MAN1B1: variants seen among roughly 807,000 people sequenced by gnomAD.
MAN1B1 encodes mannosidase alpha class 1B member 1.
In MAN1B1, 66 loss-of-function variants were observed where a neutral mutation model predicts 75.5. That is an observed-to-expected ratio of 0.87 (90% CI 0.72 to 1.07). The LOEUF is 1.07. Among genes scored for constraint, MAN1B1 ranks in the 50% least tolerant of loss-of-function variants. The pLI is 0.00. For missense variants in MAN1B1, 973 were observed against 912.5 expected, an observed-to-expected ratio of 1.07 and a Z score of -0.85; for synonymous variants, 453 against 382.8, an observed-to-expected ratio of 1.18 and a Z score of -2.14.
chr9:137,098,652 C>G (rs1588596686), intron 5 of MAN1B1, among the ~76,000 whole-genome samples: 1 of 152,182 alleles, frequency 6.6e-6, no homozygotes, highest in African/African-American at 2.4e-5. Context: ...AAGGAGGCCT[C>G]AGAACCTTTC....
chr9:137,087,796 A>C (rs1418611058), intron 1 of MAN1B1, among the ~76,000 whole-genome samples: 1 of 152,228 alleles, frequency 6.6e-6, no homozygotes, highest in Non-Finnish European at 1.5e-5. Flanking sequence ...CGACATCTGT[A>C]GTATTGTCCC....
intron 6 of MAN1B1, 48 bp from the exon 7 acceptor site, chr9:137,100,957 T>A (rs754929318): frequency 6.2e-7 from 1 of 1,610,154 alleles, no homozygotes. Flanking sequence ...TAGGAAAACG[T>A]TGGAGCCATC....
At position 137,094,631 on chromosome 9, in the gene MAN1B1, C is replaced by T. The variant is rs1049588430; in HGVS notation, c.466-1606C>T. Among the ~76,000 whole-genome samples, 4 of 151,658 alleles carry T rather than the reference C, an allele frequency of 2.6e-5. No homozygotes were observed. In the East Asian group the frequency reaches 5.9e-4, roughly 22 times the overall value. On this transcript the variant is annotated intron_variant, in intron 3 of 12. Coordinates refer to ENST00000371589, the MANE Select transcript of MAN1B1 (RefSeq NM_016219.5). ...TAGTGGCTCATGCCTGTAATCCCAG[C>T]GCTTTGGGAGGCTGAGACGGGTGGA...
rs1831197448 is a variant in MAN1B1, at chr9:137,108,472, C to T, written c.1981C>T (p.Leu661=). The T allele has an allele frequency of 1.9e-6, 3 of 1,613,882 alleles. No individual in the cohort carries two copies. The highest frequency in any genetic ancestry group is 1.3e-5 in the African/African-American group (1 of 74,928). ...TAGGGACAAGATGGAGAGCTTCTTC[C>T]TGGGGGAGACGCTCAAGTATCTGTT... ...EPRDKMESFF[L]GETLKYLFLL... The change falls in exon 13 of 13, where the codon CTG becomes TTG. Residue 661 remains leucine, a synonymous_variant. Transcript: ENST00000371589.
At chr9:137,088,543 G>C (rs866581865) in intron 2 of MAN1B1, 3 of 975,394 alleles carry the variant, frequency 3.1e-6, no homozygotes, top group Admixed American at 1.9e-5. Flanking sequence ...AGGATGTGGA[G>C]AATCTCTTCT....
chr9:137,094,018 ATT>A (rs1419422325), intron 3 of MAN1B1, among the ~76,000 whole-genome samples: 3 of 140,932 alleles, frequency 2.1e-5, no homozygotes, highest in Non-Finnish European at 1.5e-5. Context: ...ACCCATGGTG[ATT>A]TTTTTTTTTT....
chr9:137,106,477 G>A (rs1443961273), intron 9 of MAN1B1, 162 bp downstream of exon 9: 1 of 949,640 alleles, frequency 1.1e-6, no homozygotes, highest in African/African-American at 1.6e-5. Flanking sequence ...GCATTTATGT[G>A]GAGGGCGTAT....
intron 12 of MAN1B1, chr9:137,107,877 G>T: frequency 1.5e-6 from 1 of 677,206 alleles, no homozygotes; most frequent in Non-Finnish European, 2.7e-6. Flanking sequence ...CAGAGTACTT[G>T]GAGGGGCTGG....
chr9:137,096,192 C>G, intron 3 of MAN1B1, 45 bp from the exon 4 acceptor site: 1 of 1,611,474 alleles, frequency 6.2e-7, no homozygotes, highest in Non-Finnish European at 8.5e-7. Flanking sequence ...AGAAGGGCAG[C>G]TCGCAGACAC....
intron 10 of MAN1B1, 85 bp downstream of exon 10, chr9:137,106,894 A>ACG (rs1831130452): frequency 5.7e-6 from 9 of 1,568,824 alleles, no homozygotes; most frequent in Non-Finnish European, 6.9e-6. Flanking sequence ...AAAAAGAACG[A>ACG]AATCCTGGCC....
chr9:137,107,091 C>T (rs1831137876), intron 10 of MAN1B1, 159 bp from the exon 11 acceptor site: 1 of 829,062 alleles, frequency 1.2e-6, no homozygotes, highest in African/African-American at 1.7e-5. Context: ...GGGCCTGGTC[C>T]AGGCAGCTCC....
chr9:137,106,015 G>T, intron 8 of MAN1B1, 110 bp from the exon 9 acceptor site: 1 of 848,198 alleles, frequency 1.2e-6, no homozygotes. Context: ...TCTCTGCTGG[G>T]AGTCAGTCGG....
At chr9:137,095,416 G>T (rs918402140) in intron 3 of MAN1B1, among the ~76,000 whole-genome samples, 1 of 151,832 alleles carries the variant, frequency 6.6e-6, no homozygotes, top group Admixed American at 6.6e-5. Context: ...CATCAGTAAA[G>T]AAGTACAAAA....
chr9:137,097,593 GT>G (rs1830687162), intron 4 of MAN1B1, among the ~76,000 whole-genome samples: 1 of 152,132 alleles, frequency 6.6e-6, no homozygotes, highest in Admixed American at 6.5e-5. Flanking sequence ...CCAAGCTCTG[GT>G]CTCTGACCTC....
intron 12 of MAN1B1, 42 bp downstream of exon 12, chr9:137,107,704 C>A: frequency 6.2e-7 from 1 of 1,610,614 alleles, no homozygotes; most frequent in East Asian, 2.2e-5. Context: ...GGCCACCGGG[C>A]CACAGGCACG....
At chr9:137,093,761 G>T (rs1173339656) in intron 3 of MAN1B1, among the ~76,000 whole-genome samples, 1 of 151,952 alleles carries the variant, frequency 6.6e-6, no homozygotes, top group African/African-American at 2.4e-5. Flanking sequence ...GTGAACCTGG[G>T]AGGCGGAGGT....
chr9:137,102,380 C>T, intron 8 of MAN1B1: 7 of 429,602 alleles, frequency 1.6e-5, no homozygotes, highest in South Asian at 1.1e-4. Flanking sequence ...TGCAGACGTG[C>T]AGGTCAGTGC....
At chr9:137,100,912 G>A (rs891220592) in intron 6 of MAN1B1, 93 bp from the exon 7 acceptor site, 21 of 1,393,898 alleles carry the variant, frequency 1.5e-5, no homozygotes, top group African/African-American at 5.6e-5. Context: ...GAGCCACCAC[G>A]CCCAGCCAAA....
At position 137,108,303 on chromosome 9, in the gene MAN1B1, A is replaced by G. The variant is rs570613964; in HGVS notation, c.1897-85A>G. On this transcript the variant is annotated intron_variant, in intron 12 of 12. Transcript: ENST00000371589. Reference sequence around the variant, plus strand: ...GCTTGCGCTGGGGGCCACATTCACCATGGGGTGGAGAGCGCTTCGGTGATG... The same window carrying G: ...GCTTGCGCTGGGGGCCACATTCACCGTGGGGTGGAGAGCGCTTCGGTGATG... The G allele has an allele frequency of 3.3e-6, 4 of 1,201,590 alleles. No individual in the cohort carries two copies. In the South Asian group the frequency reaches 3.7e-5, roughly 11 times the overall value. 74.4% of individuals were successfully genotyped at this position (1,201,590 alleles called of 1,614,324 possible).
Sources: gnomAD v4.1 joint callset for allele counts (sites outside exome capture counted in the v4.1 genomes callset) on GRCh38, gnomAD v4.1.1 for gene constraint, MANE v1.5 for transcripts, NCBI Gene and HGNC (gene_info 2026-07-23, HGNC 2026-07-21) for gene names.